The following SPTBN2 variants were observed in gnomAD, a reference collection of about 807,000 sequenced individuals.
The protein encoded by SPTBN2 is spectrin beta chain, non-erythrocytic 2.
Under a neutral mutation model 284.2 loss-of-function variants are expected in SPTBN2, and 107 were observed. That is an observed-to-expected ratio of 0.38 (90% CI 0.32 to 0.44). SPTBN2 has a LOEUF of 0.44. Among genes scored for constraint, SPTBN2 ranks in the 20% least tolerant of loss-of-function variants. SPTBN2 has a pLI of 1.00. For synonymous variants in SPTBN2, 1,289 were observed against 1,354.8 expected (o/e 0.95, Z 1.07); for missense variants, 2,569 against 3,287.1 (o/e 0.78, Z 5.34).
chr11:66,707,489 AC>A lies in SPTBN2; in HGVS notation c.1653+26del. 6.4e-7 allele frequency: 1 copy of A among 1,574,686 alleles called. No homozygotes were observed. ...GCCCCCTCGACTCTTGATCACTCTT[AC>A]CCCACCCAGCACGCCTCACTGGTAC... On this transcript the variant is annotated intron_variant, in intron 13 of 37. Coordinates refer to ENST00000533211, the MANE Select transcript of SPTBN2 (RefSeq NM_006946.4). This position sits in a 1 kb window ranked among gnomAD's most constrained non-coding sequence, Gnocchi z 4.9.
chr11:66,689,454 A>G, intron 29 of SPTBN2: 1 of 529,000 alleles, frequency 1.9e-6, no homozygotes. Flanking sequence ...TTGTGTTTTT[A>G]GTGGAAACGG....
At chr11:66,712,927 C>G (rs1941951234) in intron 8 of SPTBN2, 1 of 152,094 alleles carries the variant, frequency 6.6e-6, no homozygotes. Context: ...CCCACTGCAG[C>G]CTAGAACTCC....
chr11:66,700,876 C>T lies in SPTBN2; in HGVS notation c.3223G>A (p.Asp1075Asn). Residue 1075 changes from aspartate (D) to asparagine (N), a missense_variant, in exon 17 of 38, where the codon GAT (aspartate) becomes AAT (asparagine). Physicochemically the swap from Asp to Asn is conservative, Grantham distance 23 (BLOSUM62 1). Transcript: ENST00000533211. This position sits in a 1 kb window ranked among gnomAD's most constrained non-coding sequence, Gnocchi z 6.6. Reference protein sequence around the residue: ...RRLQDFLRSLDDFQAWLGRTQ... With the variant: ...RRLQDFLRSLNDFQAWLGRTQ... ...CGGCCTAGCCAGGCCTGGAAGTCAT[C>T]CAAGCTGCGCAAGAAGTCCTGCAGC... 1 of 1,600,180 alleles carries T rather than the reference C, an allele frequency of 6.2e-7. No homozygotes were observed. The highest frequency in any genetic ancestry group is 8.5e-7 in the Non-Finnish European group (1 of 1,179,828).
rs146817539 is a variant in SPTBN2 at position 66,685,940 on chromosome 11, C to T, written c.7104G>A (p.Val2368=). 1.2e-6 allele frequency: 2 copies of T among 1,613,948 alleles called. No individual in the cohort carries two copies. Among genetic ancestry groups the T allele is most frequent in the East Asian group, 4.5e-5 (2 of 44,878 alleles). ...GTTCTCTGCCGTCTTTGCTGCGGAG[C>T]ACAACAGGCCCCTCAGCCCCGACGG... ...VSPVGAEGPV[V]LRSKDGRERE... The change falls in exon 38 of 38, where the codon GTG becomes GTA. Residue 2368 remains valine (V), a synonymous_variant. Coordinates refer to ENST00000533211, the MANE Select transcript of SPTBN2 (RefSeq NM_006946.4). The surrounding 1 kb of genome is among the most constrained non-coding windows in gnomAD (Gnocchi z 4.4).
intron 16 of SPTBN2, 24 bp from the exon 17 acceptor site, chr11:66,701,306 C>G: frequency 6.2e-7 from 1 of 1,609,806 alleles, no homozygotes; most frequent in Admixed American, 1.7e-5. Flanking sequence ...GAAGGTTCAG[C>G]TTCCTGCCCT....
chr11:66,717,154 C>T (rs1263571153), intron 3 of SPTBN2, among the ~76,000 whole-genome samples: 1 of 151,844 alleles, frequency 6.6e-6, no homozygotes, highest in Non-Finnish European at 1.5e-5. Flanking sequence ...AGTTAGGTAC[C>T]AATCTCAAAA....
chr11:66,692,086 G>T (rs946090827), intron 26 of SPTBN2, among the ~76,000 whole-genome samples: 1 of 152,244 alleles, frequency 6.6e-6, no homozygotes, highest in East Asian at 1.9e-4. Flanking sequence ...TTCAAATTGT[G>T]TGTGTGTGTA....
chr11:66,699,951 C>T (rs540857574), intron 17 of SPTBN2, among the ~76,000 whole-genome samples: 1 of 149,686 alleles, frequency 6.7e-6, no homozygotes, highest in African/African-American at 2.5e-5. Context: ...CTCATTTTTC[C>T]TTCTTTTTTC....
intron 16 of SPTBN2, 31 bp downstream of exon 16, chr11:66,701,553 C>CA: frequency 6.2e-7 from 1 of 1,614,130 alleles, no homozygotes; most frequent in African/African-American, 1.3e-5. Context: ...ATTTTTCTGT[C>CA]AGTTTCCTGG....
At position 66,688,049 on chromosome 11, in the gene SPTBN2, T is replaced by C. The variant is rs1403071977; in HGVS notation, c.6405A>G (p.Gln2135=). 4 of 1,614,140 alleles carry C rather than the reference T, an allele frequency of 2.5e-6. No homozygotes were observed. Among genetic ancestry groups the C allele is most frequent in the Non-Finnish European group, 3.4e-6 (4 of 1,180,008 alleles). Residue 2135 remains glutamine, a synonymous_variant, in exon 33 of 38, where the codon CAA becomes CAG. Transcript: ENST00000533211. ...TGCAGACTCCATTAACACTGGGTGC[T>C]TGTGTGGATGGTGGTGGCCGTGGCT... The part of the protein sequence containing the change: ...GTQPRPPPST[Q]APSVNGVCTD...
intron 3 of SPTBN2, 73 bp from the exon 4 acceptor site, chr11:66,716,054 G>A: frequency 6.2e-7 from 1 of 1,602,042 alleles, no homozygotes; most frequent in Non-Finnish European, 8.5e-7. Flanking sequence ...AGTTGGCAGG[G>A]GTGGGGGATG....
Position 66,692,694 on chromosome 11 carries a change from C to T in SPTBN2, c.5032G>A (p.Gly1678Ser), listed in dbSNP as rs768814631. 2.6e-5 allele frequency: 42 copies of T among 1,604,336 alleles called. No homozygotes were observed. Among genetic ancestry groups the T allele is most frequent in the Non-Finnish European group, 3.3e-5 (39 of 1,179,946 alleles). Residue 1678 changes from glycine to serine, a missense_variant, in exon 26 of 38, where the codon GGC (glycine) becomes AGC (serine). Transcript: ENST00000533211. ...CGCTCTCCAGCCAGCTCCTTCAGGC[C>T]GGCATACAGCTTGTCCACCTGGGCT... ...RQAQVDKLYAGLKELAGERRE... is the reference protein window; with the variant it reads ...RQAQVDKLYASLKELAGERRE...
rs142480868 is a variant in SPTBN2, at chr11:66,698,690, T to C, written c.3963A>G (p.Ala1321=). 109 of 1,614,140 alleles carry C rather than the reference T, an allele frequency of 6.8e-5. No individual in the cohort carries two copies. Among genetic ancestry groups the C allele is most frequent in the Non-Finnish European group, 8.9e-5 (105 of 1,180,058 alleles). ...NLHTKWQKHQ[A]FMAELAANKD... The stretch of plus-strand genomic sequence containing the variant: ...TGTTGGCAGCCAGCTCGGCCATGAA[T>C]GCCTGGTGCTTCTGCCACTTAGTAT... Residue 1321 remains alanine (A), a synonymous_variant, in exon 20 of 38, where the codon GCA becomes GCG. Coordinates refer to ENST00000533211, the MANE Select transcript of SPTBN2 (RefSeq NM_006946.4).
Position 66,708,054 on chromosome 11 carries a change from G to A in SPTBN2, c.1350+87C>T. On this transcript the variant is annotated intron_variant, in intron 12 of 37. Transcript: ENST00000533211. This position sits in a 1 kb window ranked among gnomAD's most constrained non-coding sequence, Gnocchi z 4.4. ...CAGGTGACGGATTTTGTGTTTCATT[G>A]TCTCTCCACCCCGCGGGGCTTCTTA... 1 of 1,589,604 alleles carries A rather than the reference G, an allele frequency of 6.3e-7. No individual in the cohort carries two copies. The highest frequency in any genetic ancestry group is 8.6e-7 in the Non-Finnish European group (1 of 1,160,816).
At chr11:66,717,169 G>C (rs575086426) in intron 3 of SPTBN2, among the ~76,000 whole-genome samples, 1 of 152,254 alleles carries the variant, frequency 6.6e-6, no homozygotes, top group East Asian at 1.9e-4. Context: ...TCAAAAAAAA[G>C]TTAGGCAATG....
upstream of SPTBN2, chr11:66,744,674 G>A (rs983831938): frequency 2.4e-5 from 14 of 572,658 alleles, no homozygotes; most frequent in African/African-American, 7.9e-5. Flanking sequence ...GCCCTGCAGC[G>A]TCGAGTGCGC....
At chr11:66,699,812 A>G (rs768451068) in intron 17 of SPTBN2, among the ~76,000 whole-genome samples, 1 of 152,198 alleles carries the variant, frequency 6.6e-6, no homozygotes, top group Non-Finnish European at 1.5e-5. Flanking sequence ...AGGACCTTCC[A>G]TTCCCCAGCC....
At chr11:66,711,050 G>A (rs754446918) in intron 8 of SPTBN2, 21 bp from the exon 9 acceptor site, 44 of 1,604,112 alleles carry the variant, frequency 2.7e-5, no homozygotes, top group Middle Eastern at 3.3e-4. Flanking sequence ...GGACCATTTG[G>A]GTCAGGCCTC....
chr11:66,730,581 C>CAAA (rs35527505), upstream of SPTBN2, among the ~76,000 whole-genome samples: 1 of 103,206 alleles, frequency 9.7e-6, no homozygotes, highest in Non-Finnish European at 2.1e-5. Context: ...ACTCCATCTC[C>CAAA]AAAAAAAAAA....
Sources: gnomAD v4.1 joint callset for allele counts (sites outside exome capture counted in the v4.1 genomes callset) on GRCh38, gnomAD v4.1.1 for gene constraint, Gnocchi (gnomAD v3.1) non-coding constraint, MANE v1.5 for transcripts, NCBI Gene and HGNC (gene_info 2026-07-23, HGNC 2026-07-21) for gene names.